The following ACADSB variants were observed in gnomAD, a reference collection of about 807,000 sequenced individuals.
ACADSB encodes acyl-CoA dehydrogenase short/branched chain.
ACADSB carries 40 observed loss-of-function variants against 54.1 expected under a neutral mutation model. The ratio of observed to expected loss-of-function variants is 0.74; its 90% CI spans 0.57 to 0.96. ACADSB has a LOEUF of 0.96. ACADSB is among the 40% of genes least tolerant of loss of function. The pLI, the probability that ACADSB is intolerant of heterozygous loss-of-function variation, is 0.00. For synonymous variants in ACADSB, 182 were observed against 182.8 expected (o/e 1.00, Z 0.03); for missense variants, 530 against 510.4 (o/e 1.04, Z -0.37).
chr10:123,045,635 C>T (rs1322841921), intron 7 of ACADSB, among the ~76,000 whole-genome samples: 3 of 151,748 alleles, frequency 2.0e-5, no homozygotes, highest in African/African-American at 7.3e-5. Context: ...ATTTTTAGAC[C>T]AAAACTTAGT....
intron 5 of ACADSB, among the ~76,000 whole-genome samples, chr10:123,042,169 T>C (rs182611824): frequency 1.4e-4 from 21 of 152,200 alleles, no homozygotes; most frequent in Non-Finnish European, 3.1e-4. Flanking sequence ...TTTCGCCATG[T>C]TGGCCAGGCT....
rs1260707703 is a variant in ACADSB at position 123,055,909 on chromosome 10, C to A, written c.*2144C>A. 6.6e-6 allele frequency: 1 copy of A among 152,238 alleles called. No homozygotes were observed. The highest frequency in any genetic ancestry group is 1.5e-5 in the Non-Finnish European group (1 of 68,066). The allele number at this position is 152,238 out of a possible 1,614,324, so 9.4% of individuals were successfully genotyped here. ...TGCTGCCAGTCTCTTTGCTAAAACA[C>A]AGCAAGAGTCACCTTTACTCCAGTT... On this transcript the variant is annotated 3_prime_UTR_variant, in exon 11 of 11. Transcript: ENST00000358776.
intron 5 of ACADSB, among the ~76,000 whole-genome samples, chr10:123,042,069 G>A (rs750461529): frequency 4.7e-5 from 7 of 150,486 alleles, no homozygotes; most frequent in Admixed American, 4.0e-4. Context: ...GAGTTCAAGC[G>A]ATTCTCCTGC....
intron 1 of ACADSB, among the ~76,000 whole-genome samples, chr10:123,026,376 C>G (rs907275949): frequency 1.3e-5 from 2 of 152,150 alleles, no homozygotes; most frequent in Non-Finnish European, 2.9e-5. Flanking sequence ...CTATCATCAC[C>G]ATTTAACCTG....
rs1468533780 is a variant in ACADSB at position 123,057,570 on chromosome 10, T to C, written c.*3805T>C. 6.6e-6 allele frequency: 1 copy of C among 152,198 alleles called. No individual in the cohort carries two copies. Among genetic ancestry groups the C allele is most frequent in the Non-Finnish European group, 1.5e-5 (1 of 68,040 alleles). 9.4% of individuals were successfully genotyped at this position (152,198 alleles called of 1,614,324 possible). Reference sequence around the variant, plus strand: ...TTGTTAATTTGAGGACTGGGCTGTCTTGGGGCTCAGAAGATAAAGAACTAT... The same window carrying C: ...TTGTTAATTTGAGGACTGGGCTGTCCTGGGGCTCAGAAGATAAAGAACTAT... On this transcript the variant is annotated 3_prime_UTR_variant, in exon 11 of 11. Coordinates refer to ENST00000358776, the MANE Select transcript of ACADSB (RefSeq NM_001609.4).
In ACADSB at chr10:123,052,965, A is replaced by C; in HGVS notation, c.1129-96A>C. The C allele has an allele frequency of 1.1e-6, 1 of 933,962 alleles. No individual in the cohort carries two copies. The highest frequency in any genetic ancestry group is 1.3e-5 in the South Asian group (1 of 75,044). 57.9% of individuals were successfully genotyped at this position (933,962 alleles called of 1,614,324 possible). A position where few individuals can be genotyped will look rare whatever the true frequency, so the allele number is the denominator to read the frequency against. ...TAACTTTAGTCCTTCCAGTGCCACT[A>C]ACAGTAAATCCATGTTGCTGAAAAT... On this transcript the variant is annotated intron_variant, in intron 9 of 10. Transcript: ENST00000358776. This position sits in a 1 kb window ranked among gnomAD's most constrained non-coding sequence, Gnocchi z 4.2.
Position 123,053,809 on chromosome 10 carries a change from AT to A in ACADSB, c.*48del. On this transcript the variant is annotated 3_prime_UTR_variant, in exon 11 of 11. Coordinates refer to ENST00000358776, the MANE Select transcript of ACADSB (RefSeq NM_001609.4). Reference sequence around the variant, plus strand: ...CCCTCCCTGGTGTCACTGCTGTAAAATTTTAAACGGTTGTGTCTTGTTGGGA... The same window carrying A: ...CCCTCCCTGGTGTCACTGCTGTAAAATTTAAACGGTTGTGTCTTGTTGGGA... 6.5e-7 allele frequency: 1 copy of A among 1,547,652 alleles called. No individual in the cohort carries two copies. The highest frequency in any genetic ancestry group is 8.9e-7 in the Non-Finnish European group (1 of 1,119,622).
intron 3 of ACADSB, 133 bp from the exon 4 acceptor site, chr10:123,040,333 G>A (rs1003520109): frequency 3.7e-6 from 3 of 807,110 alleles, no homozygotes; most frequent in East Asian, 2.8e-5. Context: ...CCTGGGAGAC[G>A]GAGCAAGACT....
chr10:123,020,322 A>G (rs948863754), intron 1 of ACADSB, among the ~76,000 whole-genome samples: 3 of 146,170 alleles, frequency 2.1e-5, no homozygotes, highest in African/African-American at 5.0e-5. Flanking sequence ...CTCATTTCCC[A>G]GAGGTTGCTG....
At chr10:123,051,983 C>T (rs552976904) in intron 9 of ACADSB, among the ~76,000 whole-genome samples, 21 of 152,204 alleles carry the variant, frequency 1.4e-4, no homozygotes, top group African/African-American at 4.6e-4. Flanking sequence ...TGTTTGTCTC[C>T]CTCTCCACTG....
chr10:123,044,079 C>G (rs1850515839), intron 6 of ACADSB, among the ~76,000 whole-genome samples: 2 of 148,676 alleles, frequency 1.3e-5, no homozygotes, highest in Non-Finnish European at 3.0e-5. Context: ...ACACTGTAGC[C>G]TACAGATAAG....
chr10:123,024,032 T>C (rs1850216742), intron 1 of ACADSB, among the ~76,000 whole-genome samples: 1 of 152,196 alleles, frequency 6.6e-6, no homozygotes, highest in South Asian at 2.1e-4. Context: ...CCACTTTGCA[T>C]GTTTTCCCTC....
chr10:123,030,626 G>A (rs553261433), intron 1 of ACADSB, among the ~76,000 whole-genome samples: 2 of 152,154 alleles, frequency 1.3e-5, no homozygotes, highest in South Asian at 2.1e-4. Context: ...AGCTTCAGGA[G>A]ACAACACAAT....
intron 1 of ACADSB, 104 bp downstream of exon 1, chr10:123,009,175 C>T: frequency 8.0e-7 from 1 of 1,252,292 alleles, no homozygotes; most frequent in Non-Finnish European, 1.1e-6. Context: ...CCGGCCTGAG[C>T]CCCGCTCCAC....
At chr10:123,046,006 A>G (rs1850557421) in intron 7 of ACADSB, among the ~76,000 whole-genome samples, 1 of 152,324 alleles carries the variant, frequency 6.6e-6, no homozygotes, top group South Asian at 2.1e-4. Flanking sequence ...TAGTAGAAAC[A>G]TTTTACTGAG....
intron 7 of ACADSB, 103 bp from the exon 8 acceptor site, chr10:123,047,106 C>T (rs1850570427): frequency 2.1e-6 from 2 of 955,272 alleles, no homozygotes; most frequent in Non-Finnish European, 3.3e-6. Flanking sequence ...CAGTTCTTCC[C>T]CTGCCCCAAT....
At chr10:123,036,703 A>C (rs1249332038) in intron 2 of ACADSB, among the ~76,000 whole-genome samples, 1 of 152,196 alleles carries the variant, frequency 6.6e-6, no homozygotes, top group Non-Finnish European at 1.5e-5. Flanking sequence ...TGGGGAACAA[A>C]GCAGAGAACA....
intron 3 of ACADSB, among the ~76,000 whole-genome samples, 195 bp downstream of exon 3, chr10:123,038,042 T>G (rs1193209952): frequency 6.6e-6 from 1 of 152,240 alleles, no homozygotes; most frequent in East Asian, 1.9e-4. Context: ...TACTGTATAT[T>G]TTAAGGAAAA....
At position 123,055,264 on chromosome 10, in the gene ACADSB, CT is replaced by C; in HGVS notation, c.*1501del. 5.0e-6 allele frequency: 1 copy of C among 198,332 alleles called. No homozygotes were observed. Among genetic ancestry groups the C allele is most frequent in the Non-Finnish European group, 9.9e-6 (1 of 100,988 alleles). 12.3% of individuals were successfully genotyped at this position (198,332 alleles called of 1,614,324 possible). A position where few individuals can be genotyped will look rare whatever the true frequency, so the allele number is the denominator to read the frequency against. On this transcript the variant is annotated 3_prime_UTR_variant, in exon 11 of 11. Coordinates refer to ENST00000358776, the MANE Select transcript of ACADSB (RefSeq NM_001609.4). ...TCATGGTGGGAGGCAAAAAGCACTT[CT>C]TACATGGCGGCAGCAAGAGAAAATG... is the stretch of plus-strand genomic sequence containing the variant.
Sources: gnomAD v4.1 joint callset for allele counts (sites outside exome capture counted in the v4.1 genomes callset) on GRCh38, gnomAD v4.1.1 for gene constraint, Gnocchi (gnomAD v3.1) non-coding constraint, MANE v1.5 for transcripts, NCBI Gene and HGNC (gene_info 2026-07-23, HGNC 2026-07-21) for gene names.